Variants in FANCA observed in about 807,000 individuals in gnomAD.
The protein encoded by FANCA is Fanconi anemia group A protein.
Under a neutral mutation model 194.3 loss-of-function variants are expected in FANCA, and 236 were observed. The ratio of observed to expected loss-of-function variants is 1.21; its 90% CI spans 1.09 to 1.35. The LOEUF is 1.35. Ranked by LOEUF, FANCA falls within the 40% of genes most tolerant of loss-of-function variation. The pLI is 0.00. For synonymous variants in FANCA, 1,014 were observed against 715.8 expected, an observed-to-expected ratio of 1.42 and a Z score of -6.65; for missense variants, 2,628 against 1,813.9, an observed-to-expected ratio of 1.45 and a Z score of -8.15.
chr16:89,739,284 AG>A lies in FANCA; in HGVS notation c.4015del (p.Leu1339SerfsTer24), dbSNP rs762902309. ...GGCCGCGTCTTCATGGAAGTAGGAGAGAAGACTAGAGGTAAAGACATAGTGA... is the reference window on the plus strand; with the variant it reads ...GGCCGCGTCTTCATGGAAGTAGGAGAAAGACTAGAGGTAAAGACATAGTGA... ...RLLPFAFYSL[L>X]SYFHEDAAIR... On this transcript the variant is annotated frameshift_variant, in exon 41 of 43. Coordinates refer to ENST00000389301, the MANE Select transcript of FANCA (RefSeq NM_000135.4). LOFTEE classifies it high-confidence loss of function. 15 of 1,614,020 alleles carry A rather than the reference AG, an allele frequency of 9.3e-6. No homozygotes were observed. The highest frequency in any genetic ancestry group is 1.3e-5 in the Non-Finnish European group (15 of 1,180,050).
chr16:89,795,510 C>T (rs1177643898), intron 11 of FANCA, among the ~76,000 whole-genome samples: 1 of 151,276 alleles, frequency 6.6e-6, no homozygotes, highest in African/African-American at 2.4e-5. Flanking sequence ...TGGTGGTTGG[C>T]GCCTGTAGTC....
At chr16:89,743,115 T>C (rs887190950) in intron 36 of FANCA, among the ~76,000 whole-genome samples, 177 bp from the exon 37 acceptor site, 1 of 152,216 alleles carries the variant, frequency 6.6e-6, no homozygotes, top group African/African-American at 2.4e-5. Context: ...CGTGAGAGTG[T>C]GGGCAGGTGC....
Position 89,779,908 on chromosome 16 carries a change from TC to T in FANCA, c.1675del (p.Glu559SerfsTer46). On this transcript the variant is annotated frameshift_variant, in exon 18 of 43. Transcript: ENST00000389301. LOFTEE classifies it high-confidence loss of function. The stretch of plus-strand genomic sequence containing the variant: ...GGTGACTGGGATGTTCCCCGTATGC[TC>T]AAACACCATGATGGCCTTTTCAACA... Reference protein sequence around the residue: ...QDVEKAIMVFEHTGNIPVTVM... With the variant: ...QDVEKAIMVFXHTGNIPVTVM... The T allele has an allele frequency of 5.6e-6, 9 of 1,614,058 alleles. No individual in the cohort carries two copies. Among genetic ancestry groups the T allele is most frequent in the Non-Finnish European group, 7.6e-6 (9 of 1,180,032 alleles).
In FANCA at chr16:89,749,864, T is replaced by C; in HGVS notation, c.3105A>G (p.Ile1035Met). The C allele has an allele frequency of 6.2e-7, 1 of 1,614,162 alleles. No homozygotes were observed. The highest frequency in any genetic ancestry group is 1.1e-5 in the South Asian group (1 of 91,086). ...VADLELQQDLIVPLGHTPSQE... is the reference protein window; with the variant it reads ...VADLELQQDLMVPLGHTPSQE... ...GGGAAGGGGTGTGGCCGAGAGGCAC[T>C]ATGAGGTCTTGCTGCAGCTCCAGGT... Residue 1035 changes from isoleucine (I) to methionine (M), a missense_variant, in exon 32 of 43, where the codon ATA (isoleucine) becomes ATG (methionine). Physicochemically the swap from Ile to Met is conservative, Grantham distance 10 (BLOSUM62 1). Coordinates refer to ENST00000389301, the MANE Select transcript of FANCA (RefSeq NM_000135.4).
rs746814384 is a variant in FANCA at position 89,805,298 on chromosome 16, C to T, written c.691G>A (p.Ala231Thr). 12 of 1,613,512 alleles carry T rather than the reference C, an allele frequency of 7.4e-6. No homozygotes were observed. Among genetic ancestry groups the T allele is most frequent in the East Asian group, 2.2e-5 (1 of 44,890 alleles). The change falls in exon 7 of 43, where the codon GCC (alanine) becomes ACC (threonine). Residue 231 changes from alanine to threonine, a missense_variant. Transcript: ENST00000389301. The part of the protein sequence containing the change: ...MEASCQHADV[A>T]RAMLSDFVQM... ...AACGCACCAGAAAGCATGGCCCTGG[C>T]GACGTCAGCATGCTGGCAGGATGCT...
chr16:89,788,233 G>A (rs1200810781), intron 14 of FANCA, among the ~76,000 whole-genome samples: 1 of 152,082 alleles, frequency 6.6e-6, no homozygotes, highest in African/African-American at 2.4e-5. Flanking sequence ...GAGGCTAAGT[G>A]GGGCGGATGA....
intron 2 of FANCA, among the ~76,000 whole-genome samples, chr16:89,815,335 C>CTTTTTT (rs562815235): frequency 1.8e-4 from 12 of 66,538 alleles, no homozygotes; most frequent in Non-Finnish European, 2.9e-4. Flanking sequence ...CCACGCCCGG[C>CTTTTTT]TTTTTTTTTT....
intron 17 of FANCA, 106 bp downstream of exon 17, chr16:89,782,753 A>G (rs1014143214): frequency 3.4e-5 from 34 of 1,014,902 alleles, no homozygotes; most frequent in African/African-American, 6.4e-5. Flanking sequence ...AAGACCAGAC[A>G]TGAGACTGGG....
intron 10 of FANCA, chr16:89,798,623 C>A (rs996048554): frequency 8.5e-7 from 1 of 1,175,376 alleles, no homozygotes; most frequent in South Asian, 2.7e-5. Context: ...ACCCAGCCCC[C>A]ACTCCTCAGC....
rs71391243 is a variant in FANCA at position 89,795,284 on chromosome 16, CAATAAATAAATAAATA to C, written c.1006+606_1006+621del. 1.1e-3 allele frequency among the ~76,000 whole-genome samples: 158 copies of C among 140,056 alleles called. 1 individual carries two copies. The highest frequency in any genetic ancestry group is 1.9e-3 in the Non-Finnish European group (124 of 65,570). 91.9% of individuals were successfully genotyped at this position (140,056 alleles called of 152,430 possible). A position where few individuals can be genotyped will look rare whatever the true frequency, so the allele number is the denominator to read the frequency against. On this transcript the variant is annotated intron_variant, in intron 11 of 42. Coordinates refer to ENST00000389301, the MANE Select transcript of FANCA (RefSeq NM_000135.4). ...TGGCAACAGAGCAAGACTCCATCTC[CAATAAATAAATAAATA>C]AATAAATAAATAAATAAATAAATAA...
At chr16:89,760,843 G>A (rs2239357) in intron 29 of FANCA, among the ~76,000 whole-genome samples, 9,097 of 152,126 alleles carry the variant, frequency 0.06, 420 homozygotes, top group East Asian at 0.22. Flanking sequence ...TTATCTCCAG[G>A]GCTCATTCCT....
In FANCA at chr16:89,763,130, C is replaced by T. The variant is rs559259434; in HGVS notation, c.2779-1108G>A. 7.2e-5 allele frequency among the ~76,000 whole-genome samples: 11 copies of T among 151,858 alleles called. No homozygotes were observed. In the South Asian group the frequency reaches 2.1e-3, roughly 29 times the overall value. The stretch of plus-strand genomic sequence containing the variant: ...GGCGCGGTGGCGTGCACCTGTGGTC[C>T]CAGCTACTTGGGAGGCCGAGTCAGG... On this transcript the variant is annotated intron_variant, in intron 28 of 42. Coordinates refer to ENST00000389301, the MANE Select transcript of FANCA (RefSeq NM_000135.4).
chr16:89,754,055 AAAAC>A (rs907394672), intron 30 of FANCA, among the ~76,000 whole-genome samples: 8 of 151,822 alleles, frequency 5.3e-5, no homozygotes, highest in African/African-American at 1.5e-4. Flanking sequence ...CTCTGTCTCA[AAAAC>A]AAACAAACAA....
At chr16:89,780,074 G>T in intron 17 of FANCA, 117 bp from the exon 18 acceptor site, 2 of 931,938 alleles carry the variant, frequency 2.1e-6, no homozygotes, top group Non-Finnish European at 3.5e-6. Context: ...ACACATTAAA[G>T]GTAAAGGCCC....
chr16:89,797,266 G>C lies in FANCA; in HGVS notation c.894-1248C>G, dbSNP rs534188581. 1.1e-4 allele frequency among the ~76,000 whole-genome samples: 16 copies of C among 152,276 alleles called. 1 individual carries two copies. In the South Asian group the frequency reaches 2.9e-3, roughly 28 times the overall value. ...GAATCGCTTGAACCCAGGAGGCATA[G>C]GTTGTAGTAAACCGAGATCGTGCCA... On this transcript the variant is annotated intron_variant, in intron 10 of 42. Transcript: ENST00000389301.
At chr16:89,806,107 T>C (rs2040631643) in intron 6 of FANCA, among the ~76,000 whole-genome samples, 1 of 151,994 alleles carries the variant, frequency 6.6e-6, no homozygotes, top group African/African-American at 2.4e-5. Flanking sequence ...GAGACAGGGT[T>C]TCACCACGTT....
Position 89,770,177 on chromosome 16 carries a change from G to C in FANCA, c.2305C>G (p.Leu769Val), listed in dbSNP as rs917707717. ...AAGGAGAGCCTCACCTGGTGACGGAGCAGCTGGCAGAGCCGGGTGAGCACT... is the reference window on the plus strand; with the variant it reads ...AAGGAGAGCCTCACCTGGTGACGGACCAGCTGGCAGAGCCGGGTGAGCACT... The part of the protein sequence containing the change: ...PAVLTRLCQL[L>V]RHQGPSLSAP... The change falls in exon 25 of 43, where the codon CTC (leucine) becomes GTC (valine). Residue 769 changes from leucine (L) to valine (V), a missense_variant. By Grantham distance (32) the Leu-to-Val change is conservative. Coordinates refer to ENST00000389301, the MANE Select transcript of FANCA (RefSeq NM_000135.4). The C allele has an allele frequency of 8.2e-5, 130 of 1,590,854 alleles. No homozygotes were observed. The highest frequency in any genetic ancestry group is 1.1e-4 in the Non-Finnish European group (129 of 1,169,256).
At chr16:89,805,508 C>A in intron 6 of FANCA, 116 bp from the exon 7 acceptor site, 1 of 737,130 alleles carries the variant, frequency 1.4e-6, no homozygotes, top group South Asian at 1.5e-5. Flanking sequence ...GTCACTGAGG[C>A]TGGAGTGCAG....
intron 2 of FANCA, among the ~76,000 whole-genome samples, 159 bp from the exon 3 acceptor site, chr16:89,814,772 C>G (rs1244690354): frequency 2.0e-5 from 3 of 151,082 alleles, no homozygotes; most frequent in African/African-American, 4.9e-5. Context: ...GAAACCCTGT[C>G]TCTACTAAAA....
Sources: gnomAD v4.1 joint callset for allele counts (sites outside exome capture counted in the v4.1 genomes callset) on GRCh38, gnomAD v4.1.1 for gene constraint, MANE v1.5 for transcripts, NCBI Gene and HGNC (gene_info 2026-07-23, HGNC 2026-07-21) for gene names.